The following DEAF1 variants were observed in gnomAD, a reference collection of about 807,000 sequenced individuals.
The protein encoded by DEAF1 is DEAF1 transcription factor.
DEAF1 carries 53 observed loss-of-function variants against 58.9 expected under a neutral mutation model. That is an observed-to-expected ratio of 0.90 (90% CI 0.72 to 1.13). The LOEUF (loss-of-function observed/expected upper bound fraction) is 1.13. Among genes scored for constraint, DEAF1 ranks in the 50% most tolerant of loss-of-function variants. DEAF1 has a pLI of 0.00. For synonymous variants in DEAF1, 385 were observed against 340.4 expected (o/e 1.13, Z -1.44); for missense variants, 685 against 791.4 (o/e 0.87, Z 1.61).
In DEAF1 at chr11:694,789, C is replaced by T. The variant is rs1362977841; in HGVS notation, c.259G>A (p.Asp87Asn). The stretch of plus-strand genomic sequence containing the variant: ...AAGGCTGCGGCAGCGGCGGCCTCGT[C>T]GGGGCCGGGCAGGGCCTCGGCGCCC... ...DMGAEALPGP[D>N]EAAAAAAFAE... The change falls in exon 1 of 12, where the codon GAC (aspartate) becomes AAC (asparagine). Residue 87 changes from aspartate to asparagine, a missense_variant. Physicochemically the swap from Asp to Asn is conservative, Grantham distance 23 (BLOSUM62 1). Transcript: ENST00000382409. 12 of 1,357,004 alleles carry T rather than the reference C, an allele frequency of 8.8e-6. No homozygotes were observed. The highest frequency in any genetic ancestry group is 8.5e-6 in the Non-Finnish European group (9 of 1,059,048). The allele number at this position is 1,357,004 out of a possible 1,614,324, so 84.1% of individuals were successfully genotyped here. A position where few individuals can be genotyped will look rare whatever the true frequency, so the allele number is the denominator to read the frequency against.
chr11:650,132 TG>T (rs1858698050), intron 11 of DEAF1, among the ~76,000 whole-genome samples: 1 of 151,876 alleles, frequency 6.6e-6, no homozygotes, highest in African/African-American at 2.4e-5. Context: ...CCCACCACTT[TG>T]GGAGGCTGAG....
At chr11:649,234 G>A (rs996768611) in intron 11 of DEAF1, among the ~76,000 whole-genome samples, 4 of 149,946 alleles carry the variant, frequency 2.7e-5, no homozygotes, top group African/African-American at 9.8e-5. Flanking sequence ...CTGGGCAACC[G>A]TGCGAGACTC....
chr11:678,800 G>A lies in DEAF1; in HGVS notation c.1149C>T (p.Pro383=). 6.2e-7 allele frequency: 1 copy of A among 1,614,118 alleles called. No individual in the cohort carries two copies. The highest frequency in any genetic ancestry group is 8.5e-7 in the Non-Finnish European group (1 of 1,180,002). The change falls in exon 9 of 12, where the codon CCC becomes CCT. Residue 383 remains proline, a synonymous_variant. Coordinates refer to ENST00000382409, the MANE Select transcript of DEAF1 (RefSeq NM_021008.4). ...GCTCAGGGTGGCTGGCCCTGCATGGGGGCTGCACGCTGGCCTCTTGGACTG... is the reference window on the plus strand; with the variant it reads ...GCTCAGGGTGGCTGGCCCTGCATGGAGGCTGCACGCTGGCCTCTTGGACTG... ...GATVQEASVQ[P]PCRASHPEPH... is the part of the protein sequence containing the mutation.
Position 688,305 on chromosome 11 carries a change from G to T in DEAF1, c.517+26C>A, listed in dbSNP as rs1860683178. Reference sequence around the variant, plus strand: ...CTATTCTGAAACGTGTTTTGCCCGAGGCCTGGGGTGCAGGCACCGCTGTAC... The same window carrying T: ...CTATTCTGAAACGTGTTTTGCCCGATGCCTGGGGTGCAGGCACCGCTGTAC... On this transcript the variant is annotated intron_variant, in intron 3 of 11. Coordinates refer to ENST00000382409, the MANE Select transcript of DEAF1 (RefSeq NM_021008.4). This position sits in a 1 kb window ranked among gnomAD's most constrained non-coding sequence, Gnocchi z 4.3. The T allele has an allele frequency of 6.2e-7, 1 of 1,610,350 alleles. No homozygotes were observed. Among genetic ancestry groups the T allele is most frequent in the African/African-American group, 1.3e-5 (1 of 74,780 alleles).
intron 11 of DEAF1, among the ~76,000 whole-genome samples, chr11:649,926 TGAGG>T (rs1858682656): frequency 6.6e-6 from 1 of 151,706 alleles, no homozygotes. Flanking sequence ...CTCAGGAGGC[TGAGG>T]AAGGGAAATC....
At chr11:698,813 C>A, upstream of DEAF1, 1 of 1,610,372 alleles carries the variant, frequency 6.2e-7, no homozygotes, top group Middle Eastern at 1.7e-4. Context: ...GGAGCGAGAC[C>A]CGGGAAAGCA....
upstream of DEAF1, chr11:695,576 G>A (rs1861090821): frequency 1.6e-6 from 2 of 1,235,880 alleles, no homozygotes; most frequent in Non-Finnish European, 1.0e-6. Flanking sequence ...GCCCGAGGCC[G>A]AGCCGAGACG....
chr11:685,832 A>G (rs978881697), intron 5 of DEAF1, among the ~76,000 whole-genome samples: 1 of 151,438 alleles, frequency 6.6e-6, no homozygotes, highest in Non-Finnish European at 1.5e-5. Flanking sequence ...CCTGACCAAC[A>G]TGGTTGGTCT....
upstream of DEAF1, chr11:699,879 A>T: frequency 2.2e-6 from 1 of 454,562 alleles, no homozygotes; most frequent in Non-Finnish European, 3.9e-6. Flanking sequence ...GTCCACAGTC[A>T]GGAGGGCAGG....
At chr11:701,561 C>A (rs1861481191) in intron 1 of DEAF1, among the ~76,000 whole-genome samples, 1 of 152,096 alleles carries the variant, frequency 6.6e-6, no homozygotes, top group African/African-American at 2.4e-5. Flanking sequence ...CAGGTGCCCG[C>A]CACCACGCCC....
chr11:695,705 G>A, upstream of DEAF1: 2 of 1,241,666 alleles, frequency 1.6e-6, no homozygotes, highest in Non-Finnish European at 2.0e-6. Flanking sequence ...TCGGACGTCC[G>A]CTCCCGAAAC....
intron 6 of DEAF1, among the ~76,000 whole-genome samples, chr11:684,135 T>TC (rs1564947655): frequency 6.6e-6 from 1 of 151,780 alleles, no homozygotes; most frequent in Non-Finnish European, 1.5e-5. Flanking sequence ...TTTTTTTTTT[T>TC]TTTGAGGTGC....
intron 10 of DEAF1, chr11:654,764 G>A (rs1294006969): frequency 5.0e-6 from 2 of 397,310 alleles, no homozygotes; most frequent in East Asian, 7.3e-5. Flanking sequence ...AGCTACCTGG[G>A]AGGCTGAGGT....
In DEAF1 at chr11:653,352, A is replaced by G. The variant is rs1357788311; in HGVS notation, c.1593+610T>C. 2.0e-5 allele frequency among the ~76,000 whole-genome samples: 3 copies of G among 146,420 alleles called. No homozygotes were observed. The East Asian group carries it at 6.1e-4, about 30-fold the overall frequency. On this transcript the variant is annotated intron_variant, in intron 11 of 11. Transcript: ENST00000382409. The stretch of plus-strand genomic sequence containing the variant: ...GCAGGGGTGTGGAGGGCTCAATAAT[A>G]GAGGAACTGTGGACGCTCTCTCTCG...
chr11:695,294 C>A (rs1025381241), upstream of DEAF1: 1 of 463,406 alleles, frequency 2.2e-6, no homozygotes, highest in Non-Finnish European at 3.8e-6. Context: ...GCCGCCGAGC[C>A]GAGACCGAGT....
At chr11:695,462 G>A (rs944686332), upstream of DEAF1, 14 of 566,852 alleles carry the variant, frequency 2.5e-5, no homozygotes, top group Admixed American at 4.4e-5. Context: ...AGGGCTGGAC[G>A]GCTCTAGGCA....
chr11:691,436 G>C lies in DEAF1; in HGVS notation c.387+65C>G. ...GCGGGCTGAACCCCGGGAGAGCCTC[G>C]GGGAAGCCGGAGGCCCCCAGCGTGG... On this transcript the variant is annotated intron_variant, in intron 2 of 11. Transcript: ENST00000382409. 2.0e-6 allele frequency: 3 copies of C among 1,485,058 alleles called. No individual in the cohort carries two copies. The South Asian group carries it at 3.4e-5, about 17-fold the overall frequency. The allele number at this position is 1,485,058 out of a possible 1,614,324, so 92.0% of individuals were successfully genotyped here.
At chr11:682,029 T>C (rs1258877770) in intron 6 of DEAF1, among the ~76,000 whole-genome samples, 6 of 152,260 alleles carry the variant, frequency 3.9e-5, no homozygotes, top group African/African-American at 1.4e-4. Context: ...TCCTTGCTGC[T>C]GTCAGCTTGT....
intron 4 of DEAF1, 33 bp from the exon 5 acceptor site, chr11:687,030 A>G (rs1206943431): frequency 6.2e-7 from 1 of 1,613,006 alleles, no homozygotes; most frequent in East Asian, 2.2e-5. Flanking sequence ...TGATGATGGC[A>G]GGTGGGAACG....
Sources: gnomAD v4.1 joint callset for allele counts (sites outside exome capture counted in the v4.1 genomes callset) on GRCh38, gnomAD v4.1.1 for gene constraint, Gnocchi (gnomAD v3.1) non-coding constraint, MANE v1.5 for transcripts, NCBI Gene and HGNC (gene_info 2026-07-23, HGNC 2026-07-21) for gene names.